TYW1: variants seen among roughly 807,000 people sequenced by gnomAD.
The protein encoded by TYW1 is tRNA-yW synthesizing protein 1 homolog.
Under a neutral mutation model 96.2 loss-of-function variants are expected in TYW1, and 46 were observed. The ratio of observed to expected loss-of-function variants is 0.48; its 90% confidence interval spans 0.38 to 0.61. The LOEUF is 0.61. TYW1 is among the 20% of genes least tolerant of loss of function. The pLI is 0.00. For synonymous variants in TYW1, 274 were observed against 323.0 expected (o/e 0.85, Z 1.63); for missense variants, 684 against 909.6 (o/e 0.75, Z 3.19).
At chr7:67,204,815 A>C (rs1800727158) in intron 15 of TYW1, among the ~76,000 whole-genome samples, 1 of 151,750 alleles carries the variant, frequency 6.6e-6, no homozygotes, top group Admixed American at 6.6e-5. Flanking sequence ...GCTGGTCTTG[A>C]ACTCCTGGCT....
chr7:67,102,501 A>T (rs998546239), intron 12 of TYW1, among the ~76,000 whole-genome samples: 1 of 152,174 alleles, frequency 6.6e-6, no homozygotes, highest in Admixed American at 6.6e-5. Context: ...GAGGGAGACA[A>T]AAAGGAGGAA....
chr7:67,104,987 G>A (rs963721636), intron 12 of TYW1, among the ~76,000 whole-genome samples: 11 of 152,360 alleles, frequency 7.2e-5, no homozygotes, highest in Non-Finnish European at 1.5e-4. Context: ...ATGATGGGCT[G>A]GGCTGGGGCC....
At chr7:67,172,859 C>T (rs1261253583) in intron 13 of TYW1, among the ~76,000 whole-genome samples, 1 of 151,976 alleles carries the variant, frequency 6.6e-6, no homozygotes, top group Non-Finnish European at 1.5e-5. Flanking sequence ...GTGGCTAACA[C>T]CTGTAATCCC....
intron 15 of TYW1, among the ~76,000 whole-genome samples, chr7:67,210,565 TC>T (rs1350453535): frequency 3.3e-5 from 5 of 152,190 alleles, no homozygotes; most frequent in African/African-American, 1.2e-4. Flanking sequence ...TTGGAATTCT[TC>T]CACACCGAAG....
chr7:67,195,835 A>G (rs1469089542), intron 15 of TYW1, among the ~76,000 whole-genome samples: 2 of 146,178 alleles, frequency 1.4e-5, no homozygotes. Flanking sequence ...GAACAAGTAT[A>G]TGAATCTAGT....
At chr7:67,191,838 AG>A (rs1800228290) in intron 14 of TYW1, among the ~76,000 whole-genome samples, 1 of 151,996 alleles carries the variant, frequency 6.6e-6, no homozygotes, top group Non-Finnish European at 1.5e-5. Context: ...CGGTTGACTC[AG>A]GAAGTTACCC....
chr7:67,130,464 G>T (rs545318135), intron 13 of TYW1, among the ~76,000 whole-genome samples: 2 of 151,926 alleles, frequency 1.3e-5, no homozygotes, highest in Non-Finnish European at 2.9e-5. Context: ...ACGAGTTCAG[G>T]AGGTCGAGAC....
intron 4 of TYW1, among the ~76,000 whole-genome samples, chr7:67,012,543 T>C (rs557736353): frequency 6.6e-6 from 1 of 152,260 alleles, no homozygotes; most frequent in Non-Finnish European, 1.5e-5. Context: ...AACTTTGATA[T>C]TACTTATAAC....
chr7:67,193,509 C>T (rs2116337359), intron 14 of TYW1, among the ~76,000 whole-genome samples: 1 of 152,250 alleles, frequency 6.6e-6, no homozygotes, highest in African/African-American at 2.4e-5. Context: ...TCTGTAATCC[C>T]AGCACATAGG....
At chr7:67,029,231 C>T (rs1270459534) in intron 7 of TYW1, among the ~76,000 whole-genome samples, 1 of 151,732 alleles carries the variant, frequency 6.6e-6, no homozygotes, top group Non-Finnish European at 1.5e-5. Context: ...CGTGATCACC[C>T]ACCTCGGCCT....
intron 12 of TYW1, among the ~76,000 whole-genome samples, chr7:67,102,091 G>T (rs1298874727): frequency 6.6e-6 from 1 of 152,112 alleles, no homozygotes; most frequent in Non-Finnish European, 1.5e-5. Flanking sequence ...AAGGGAGTCT[G>T]TCTTAAATTA....
intron 7 of TYW1, among the ~76,000 whole-genome samples, chr7:67,029,420 T>TACATATATATATAC (rs1178670060): frequency 8.4e-6 from 1 of 118,534 alleles, no homozygotes; most frequent in African/African-American, 3.3e-5. Flanking sequence ...TGTGTGTATA[T>TACATATATATATAC]ATATATATAT....
In TYW1 at chr7:67,219,560, C is replaced by T. The variant is rs559431986; in HGVS notation, c.1978-18748C>T. On this transcript the variant is annotated intron_variant, in intron 15 of 15. Transcript: ENST00000359626. ...GATCTTAAATTACTGATTTAATCTC[C>T]GTAATAGTTATAAGTCCAATCAGAT... is the stretch of plus-strand genomic sequence containing the variant. Among the ~76,000 whole-genome samples, 22 of 152,240 alleles carry T rather than the reference C, an allele frequency of 1.4e-4. No homozygotes were observed. The South Asian group carries it at 4.1e-3, about 29-fold the overall frequency.
intron 9 of TYW1, among the ~76,000 whole-genome samples, chr7:67,061,262 C>T (rs1795685724): frequency 6.6e-6 from 1 of 152,026 alleles, no homozygotes; most frequent in Non-Finnish European, 1.5e-5. Context: ...GCTAATAAAG[C>T]TTTTTAAGCC....
At chr7:67,052,005 C>T (rs1218200015) in intron 8 of TYW1, among the ~76,000 whole-genome samples, 4 of 152,106 alleles carry the variant, frequency 2.6e-5, no homozygotes, top group Non-Finnish European at 5.9e-5. Context: ...GATTAGAGTT[C>T]AGCAATCAGT....
At chr7:67,138,985 G>C (rs1289355896) in intron 13 of TYW1, among the ~76,000 whole-genome samples, 1 of 151,900 alleles carries the variant, frequency 6.6e-6, no homozygotes, top group Non-Finnish European at 1.5e-5. Flanking sequence ...TCTGAAAAGA[G>C]TTTTGATACA....
chr7:67,078,324 T>G (rs529680361), intron 10 of TYW1, among the ~76,000 whole-genome samples: 26 of 152,142 alleles, frequency 1.7e-4, no homozygotes, highest in Admixed American at 5.2e-4. Context: ...CTTGAACTCC[T>G]GACTTTGTGA....
intron 13 of TYW1, among the ~76,000 whole-genome samples, chr7:67,155,536 T>C (rs1380726740): frequency 1.3e-5 from 2 of 150,704 alleles, no homozygotes; most frequent in African/African-American, 2.5e-5. Flanking sequence ...CTTTTCTTCA[T>C]AAATTACCCA....
At chr7:67,071,130 CAA>C (rs558946326) in intron 10 of TYW1, among the ~76,000 whole-genome samples, 3 of 143,276 alleles carry the variant, frequency 2.1e-5, no homozygotes, top group Admixed American at 7.0e-5. Context: ...GACTCCGTCT[CAA>C]AAAAAAAAAG....
Sources: gnomAD v4.1 joint callset for allele counts (sites outside exome capture counted in the v4.1 genomes callset) on GRCh38, gnomAD v4.1.1 for gene constraint, MANE v1.5 for transcripts, NCBI Gene and HGNC (gene_info 2026-07-23, HGNC 2026-07-21) for gene names.